PMFBP1: variants seen among roughly 807,000 people sequenced by gnomAD.
PMFBP1 encodes polyamine modulated factor 1 binding protein 1, also known as polyamine-modulated factor 1-binding protein 1.
PMFBP1 carries 131 observed loss-of-function variants against 137.8 expected under a neutral mutation model. The ratio of observed to expected loss-of-function variants is 0.95; its 90% CI spans 0.82 to 1.10. The LOEUF (loss-of-function observed/expected upper bound fraction) is 1.10. Among genes scored for constraint, PMFBP1 ranks in the 50% least tolerant of loss-of-function variants. The probability of loss-of-function intolerance (pLI) is 0.00; values close to 1 mark genes in which losing one functional copy is unlikely to be tolerated. For synonymous variants in PMFBP1, 490 were observed against 450.4 expected, an observed-to-expected ratio of 1.09 and a Z score of -1.11; for missense variants, 1,199 against 1,175.4, an observed-to-expected ratio of 1.02 and a Z score of -0.29.
the PMFBP1 span, among the ~76,000 whole-genome samples, chr16:72,230,606 C>T: frequency 6.6e-6 from 1 of 152,150 alleles, no homozygotes; most frequent in South Asian, 2.1e-4. Context: ...TGTAACTTCC[C>T]ATATCATCAT....
At chr16:72,235,021 T>C in the PMFBP1 span, among the ~76,000 whole-genome samples, 2 of 152,320 alleles carry the variant, frequency 1.3e-5, no homozygotes, top group East Asian at 1.9e-4. Flanking sequence ...ATGGCGTACT[T>C]TGAAGCACAA....
intron 5 of PMFBP1, among the ~76,000 whole-genome samples, chr16:72,141,232 C>T (rs138354114): frequency 3.3e-5 from 5 of 152,232 alleles, no homozygotes; most frequent in Admixed American, 6.5e-5. Flanking sequence ...CTACCACATC[C>T]GGTGGACAAA....
At chr16:72,192,972 A>G in the PMFBP1 span, among the ~76,000 whole-genome samples, 11 of 152,296 alleles carry the variant, frequency 7.2e-5, 1 homozygote, top group African/African-American at 2.4e-4. Context: ...GTGATTTAAA[A>G]TGATGAAAGA....
At chr16:72,232,826 C>T in the PMFBP1 span, among the ~76,000 whole-genome samples, 1 of 152,100 alleles carries the variant, frequency 6.6e-6, no homozygotes, top group African/African-American at 2.4e-5. Flanking sequence ...CAAACATGCA[C>T]TGAACATGTT....
At chr16:72,119,825 A>AT in intron 20 of PMFBP1, 26 bp downstream of exon 20, 3 of 1,605,574 alleles carry the variant, frequency 1.9e-6, no homozygotes, top group East Asian at 2.2e-5. Flanking sequence ...AATCACACTT[A>AT]TTTTTTTGAC....
Position 72,122,937 on chromosome 16 carries a change from A to G in PMFBP1, c.2745T>C (p.Ile915=), listed in dbSNP as rs1246656898. ...GNQLREQVKY[I]AKLSGEKDHL... is the part of the protein sequence containing the mutation. ...ACTCCTTTTCGCCACTCAGCTTGGC[A>G]ATGTATTTCACCTGCTCTCGGAGCT... Residue 915 remains isoleucine (I), a synonymous_variant, in exon 19 of 21, where the codon ATT becomes ATC. Transcript: ENST00000237353. 1.2e-6 allele frequency: 2 copies of G among 1,613,488 alleles called. No individual in the cohort carries two copies. Among genetic ancestry groups the G allele is most frequent in the South Asian group, 1.1e-5 (1 of 91,066 alleles).
the PMFBP1 span, among the ~76,000 whole-genome samples, chr16:72,228,452 C>T: frequency 6.6e-6 from 1 of 152,296 alleles, no homozygotes; most frequent in Admixed American, 6.5e-5. Flanking sequence ...CATCACTTCA[C>T]CCAGGAAGCC....
chr16:72,152,844 C>CAA (rs34108768), intron 4 of PMFBP1, among the ~76,000 whole-genome samples: 137 of 64,630 alleles, frequency 2.1e-3, no homozygotes, highest in East Asian at 4.5e-3. Context: ...GACTTCGTCT[C>CAA]AAAAAAAAAA....
chr16:72,131,514 G>A (rs1209398548), intron 10 of PMFBP1, among the ~76,000 whole-genome samples: 1 of 152,286 alleles, frequency 6.6e-6, no homozygotes, highest in African/African-American at 2.4e-5. Flanking sequence ...TGAGGGGAAG[G>A]CAGCTACAAA....
At chr16:72,226,389 C>G in the PMFBP1 span, among the ~76,000 whole-genome samples, 2 of 152,122 alleles carry the variant, frequency 1.3e-5, no homozygotes. Flanking sequence ...CTGTCAAGGT[C>G]CAAGTGGTGC....
chr16:72,223,336 T>C, the PMFBP1 span, among the ~76,000 whole-genome samples: 1 of 152,206 alleles, frequency 6.6e-6, no homozygotes, highest in African/African-American at 2.4e-5. Context: ...TTATTTTTCA[T>C]TTTGTTTTAA....
the PMFBP1 span, among the ~76,000 whole-genome samples, chr16:72,226,878 TA>T: frequency 6.6e-6 from 1 of 152,150 alleles, no homozygotes; most frequent in Non-Finnish European, 1.5e-5. Context: ...AATGCTCACC[TA>T]AAAAGGTTTT....
Position 72,130,313 on chromosome 16 carries a change from C to T in PMFBP1, c.1682G>A (p.Arg561Lys), listed in dbSNP as rs1479155392. The stretch of plus-strand genomic sequence containing the variant: ...TTCCTTGTCTGAATTTTCAAGCTTC[C>T]TCAGGGCTTCAGAGAGTTCTAATGA... Reference protein sequence around the residue: ...ELSLELSEALRKLENSDKEKR... With the variant: ...ELSLELSEALKKLENSDKEKR... Residue 561 changes from arginine (R) to lysine (K), a missense_variant, in exon 12 of 21, where the codon AGG (arginine) becomes AAG (lysine). Arg to Lys is a conservative substitution (Grantham distance 26, BLOSUM62 2). Coordinates refer to ENST00000237353, the MANE Select transcript of PMFBP1 (RefSeq NM_031293.3). 3 of 1,614,220 alleles carry T rather than the reference C, an allele frequency of 1.9e-6. No individual in the cohort carries two copies. Among genetic ancestry groups the T allele is most frequent in the East Asian group, 2.2e-5 (1 of 44,884 alleles).
At chr16:72,185,371 C>T in the PMFBP1 span, among the ~76,000 whole-genome samples, 5 of 152,096 alleles carry the variant, frequency 3.3e-5, no homozygotes, top group South Asian at 6.2e-4. Flanking sequence ...TTACGTTTCC[C>T]GCCAGAGCTC....
chr16:72,227,107 T>C, the PMFBP1 span, among the ~76,000 whole-genome samples: 15 of 152,082 alleles, frequency 9.9e-5, no homozygotes, highest in South Asian at 4.1e-4. Context: ...AAAAAGCCTA[T>C]AAAATTTAGT....
chr16:72,225,431 T>G, the PMFBP1 span, among the ~76,000 whole-genome samples: 65 of 152,102 alleles, frequency 4.3e-4, no homozygotes, highest in Non-Finnish European at 7.6e-4. Flanking sequence ...GGCTTATGCC[T>G]ATAATCCCAG....
At chr16:72,247,372 T>C in the PMFBP1 span, among the ~76,000 whole-genome samples, 1 of 152,332 alleles carries the variant, frequency 6.6e-6, no homozygotes, top group Middle Eastern at 3.4e-3. Context: ...AGTGTACAAC[T>C]TGCAAAATAA....
At chr16:72,213,182 A>T in the PMFBP1 span, among the ~76,000 whole-genome samples, 1 of 139,506 alleles carries the variant, frequency 7.2e-6, no homozygotes, top group Admixed American at 7.7e-5. Flanking sequence ...ACTGGTCCAG[A>T]TTACAGCAAG....
intron 10 of PMFBP1, among the ~76,000 whole-genome samples, chr16:72,131,235 G>A (rs569425435): frequency 5.9e-4 from 90 of 152,284 alleles, no homozygotes; most frequent in African/African-American, 2.1e-3. Context: ...GAATGCGGAA[G>A]GTGTGTGGGA....
Sources: allele counts gnomAD v4.1 joint callset (sites outside exome capture counted in the v4.1 genomes callset), GRCh38; gene constraint gnomAD v4.1.1; transcripts MANE v1.5; gene names NCBI Gene and HGNC (gene_info 2026-07-23, HGNC 2026-07-21).